The following CPNE4 variants were observed in gnomAD, a reference collection of about 807,000 sequenced individuals.
CPNE4 encodes the protein copine 4.
Under a neutral mutation model 67.9 loss-of-function variants are expected in CPNE4, and 25 were observed. The observed-to-expected ratio is 0.37, with a 90% CI of 0.27 to 0.51. The LOEUF is 0.51. CPNE4 is among the 20% of genes least tolerant of loss of function. The probability of loss-of-function intolerance (pLI) is 0.93; values close to 1 mark genes in which losing one functional copy is unlikely to be tolerated. For missense variants in CPNE4, 464 were observed against 690.8 expected (o/e 0.67, Z 3.68); for synonymous variants, 242 against 244.9 (o/e 0.99, Z 0.11).
intron 6 of CPNE4, among the ~76,000 whole-genome samples, chr3:131,676,029 C>CTATTATTCT (rs2080552135): frequency 7.2e-6 from 1 of 138,512 alleles, no homozygotes; most frequent in Non-Finnish European, 1.5e-5. Context: ...ATGTTATAAC[C>CTATTATTCT]TATTATTATT....
Position 131,738,799 on chromosome 3 carries a change from GCACAAA to G in CPNE4, c.181-15180_181-15175del, listed in dbSNP as rs1200925012. ...TCATTTTTCTTGATTCAATGCAAATGCACAAACACAAACAAAACATAATATGTACAT... is the reference window on the plus strand; with the variant it reads ...TCATTTTTCTTGATTCAATGCAAATGCACAAACAAAACATAATATGTACAT... On this transcript the variant is annotated intron_variant, in intron 2 of 15. Coordinates refer to ENST00000429747, the MANE Select transcript of CPNE4 (RefSeq NM_130808.3). 1.8e-4 allele frequency among the ~76,000 whole-genome samples: 27 copies of G among 151,696 alleles called. No individual in the cohort carries two copies. In the South Asian group the frequency reaches 5.4e-3, roughly 31 times the overall value.
intron 3 of CPNE4, 40 bp downstream of exon 3, chr3:131,723,406 T>C (rs541251603): frequency 1.4e-5 from 22 of 1,585,342 alleles, no homozygotes; most frequent in Admixed American, 1.2e-4. Context: ...AGAAAGGCCC[T>C]AGGATGGCAA....
rs141037002 is a variant in CPNE4, at chr3:131,826,975, T to C, written c.180+78289A>G. ...TCACTTGAGCCCAGGAATTTGAGGT[T>C]GCAGTGAGCTTCTGTGATTGCATCA... On this transcript the variant is annotated intron_variant, in intron 2 of 15. Transcript: ENST00000429747. Among the ~76,000 whole-genome samples the C allele has an allele frequency of 6.9e-4, 105 of 152,204 alleles. No individual in the cohort carries two copies. The East Asian group carries it at 0.02, about 29-fold the overall frequency.
intron 1 of CPNE4, among the ~76,000 whole-genome samples, chr3:131,958,135 T>C (rs2072031329): frequency 6.6e-6 from 1 of 152,244 alleles, no homozygotes; most frequent in South Asian, 2.1e-4. Flanking sequence ...TAGGTAACTT[T>C]ACAGAGTTAC....
At chr3:131,744,225 C>A (rs2082431597) in intron 2 of CPNE4, among the ~76,000 whole-genome samples, 1 of 151,446 alleles carries the variant, frequency 6.6e-6, no homozygotes, top group Admixed American at 6.6e-5. Flanking sequence ...TGGTAAGATG[C>A]CTGAAAACAA....
chr3:131,574,692 C>T (rs957347393), intron 10 of CPNE4, among the ~76,000 whole-genome samples: 1 of 152,062 alleles, frequency 6.6e-6, no homozygotes, highest in African/African-American at 2.4e-5. Context: ...ATGGCATCTG[C>T]CTTGGCTCAG....
rs115837438 is a variant in CPNE4 at position 131,679,381 on chromosome 3, C to G, written c.591+6494G>C. Among the ~76,000 whole-genome samples, 551 of 152,010 alleles carry G rather than the reference C, an allele frequency of 3.6e-3. 5 individuals carry two copies. The highest frequency in any genetic ancestry group is 0.013 in the African/African-American group (524 of 41,446). On this transcript the variant is annotated intron_variant, in intron 6 of 15. Transcript: ENST00000429747. ...TAATATTATTAAAAAAAAACCTGCT[C>G]CTGGATTCATCAATCTTTTGAATGG... is the stretch of plus-strand genomic sequence containing the variant.
intron 1 of CPNE4, among the ~76,000 whole-genome samples, chr3:131,982,032 A>C (rs1039813892): frequency 8.5e-5 from 13 of 152,106 alleles, no homozygotes. Flanking sequence ...TAAAACTCAC[A>C]ATATGAGCCC....
intron 2 of CPNE4, among the ~76,000 whole-genome samples, chr3:131,874,341 G>A (rs868454241): frequency 6.6e-6 from 1 of 152,134 alleles, no homozygotes; most frequent in Non-Finnish European, 1.5e-5. Context: ...GCCCGCCTCG[G>A]CCTCCCAAAG....
chr3:131,873,345 G>A (rs1423405156), intron 2 of CPNE4, among the ~76,000 whole-genome samples: 1 of 152,188 alleles, frequency 6.6e-6, no homozygotes, highest in African/African-American at 2.4e-5. Context: ...ACTAGACCCT[G>A]ATTGATATGG....
intron 3 of CPNE4, among the ~76,000 whole-genome samples, chr3:131,706,264 C>T (rs573269940): frequency 6.6e-6 from 1 of 152,274 alleles, no homozygotes; most frequent in East Asian, 1.9e-4. Context: ...TTTGTTATTA[C>T]TTTTTCAAGG....
At chr3:131,848,982 A>AAAAAAAAAAAAC (rs1319261337) in intron 2 of CPNE4, among the ~76,000 whole-genome samples, 1 of 139,508 alleles carries the variant, frequency 7.2e-6, no homozygotes, top group African/African-American at 2.6e-5. Context: ...AAAAAAAAAA[A>AAAAAAAAAAAAC]CACAGAGATA....
intron 2 of CPNE4, among the ~76,000 whole-genome samples, chr3:131,749,226 G>T (rs887673396): frequency 3.9e-5 from 6 of 152,118 alleles, no homozygotes; most frequent in Admixed American, 3.3e-4. Flanking sequence ...GGATTATGCA[G>T]AAGTCTGTTG....
chr3:131,700,853 A>G (rs924986634), intron 3 of CPNE4, among the ~76,000 whole-genome samples: 2 of 152,106 alleles, frequency 1.3e-5, no homozygotes, highest in Non-Finnish European at 2.9e-5. Flanking sequence ...CCAAATGTCC[A>G]TCAATGATAG....
intron 1 of CPNE4, among the ~76,000 whole-genome samples, chr3:131,999,472 T>C (rs1019821922): frequency 5.9e-5 from 9 of 152,072 alleles, no homozygotes; most frequent in African/African-American, 2.2e-4. Context: ...ACTATATGTT[T>C]CCATTTATAT....
intron 7 of CPNE4, among the ~76,000 whole-genome samples, chr3:131,625,616 GCCCATTTATCCA>G: frequency 6.6e-6 from 1 of 152,284 alleles, no homozygotes; most frequent in South Asian, 2.1e-4. Context: ...GTACAGTAGT[GCCCATTTATCCA>G]TGGAGGATAT....
intron 1 of CPNE4, among the ~76,000 whole-genome samples, chr3:132,023,283 C>T (rs1224102829): frequency 1.1e-4 from 16 of 152,096 alleles, no homozygotes; most frequent in East Asian, 3.9e-4. Context: ...TTTGCAGTGC[C>T]GTGTACCCAG....
At position 131,905,412 on chromosome 3, in the gene CPNE4, G is replaced by A. The variant is rs746618160; in HGVS notation, c.32C>T (p.Ala11Val). The A allele has an allele frequency of 6.2e-7, 1 of 1,613,330 alleles. No individual in the cohort carries two copies. The highest frequency in any genetic ancestry group is 1.1e-5 in the South Asian group (1 of 91,042). Reference protein sequence around the residue: MKKMSNIYESAANTLGIFNSP... With the variant: MKKMSNIYESVANTLGIFNSP... ...GTTAAAGATTCCCAGTGTGTTGGCA[G>A]CGGACTCATAAATGTTGCTCATCTT... is the stretch of plus-strand genomic sequence containing the variant. The change falls in exon 2 of 16, where the codon GCT (alanine) becomes GTT (valine). Residue 11 changes from alanine to valine, a missense_variant. Around this residue, in one of 6 missense-constraint regions of CPNE4, gnomAD observed 170 missense variants for 203.3 expected, o/e 0.84. Coordinates refer to ENST00000429747, the MANE Select transcript of CPNE4 (RefSeq NM_130808.3).
chr3:131,761,095 A>G (rs2082876264), intron 2 of CPNE4, among the ~76,000 whole-genome samples: 1 of 152,026 alleles, frequency 6.6e-6, no homozygotes, highest in Non-Finnish European at 1.5e-5. Context: ...GACTTGGGGT[A>G]AGATTTGCTT....
Sources: allele counts gnomAD v4.1 joint callset (sites outside exome capture counted in the v4.1 genomes callset), GRCh38; gene constraint gnomAD v4.1.1; regional missense constraint gnomAD v4.1.1; transcripts MANE v1.5; gene names NCBI Gene and HGNC (gene_info 2026-07-23, HGNC 2026-07-21).